The following AK7 variants were observed in gnomAD, a reference collection of about 807,000 sequenced individuals.
AK7 encodes the protein ATP-AMP transphosphorylase 7.
AK7 carries 78 observed loss-of-function variants against 96.6 expected under a neutral mutation model. The ratio of observed to expected loss-of-function variants is 0.81; its 90% CI spans 0.67 to 0.97. The LOEUF (loss-of-function observed/expected upper bound fraction) is 0.97. Ranked by LOEUF, AK7 falls within the 50% of genes least tolerant of loss-of-function variation. The probability of loss-of-function intolerance (pLI) is 0.00; values close to 1 mark genes in which losing one functional copy is unlikely to be tolerated. For missense variants in AK7, 855 were observed against 887.9 expected, an observed-to-expected ratio of 0.96 and a Z score of 0.47; for synonymous variants, 302 against 317.2, an observed-to-expected ratio of 0.95 and a Z score of 0.51.
In AK7 at chr14:96,392,197, A is replaced by G. The variant is rs774547959; in HGVS notation, c.43A>G (p.Ile15Val). ...AACTGCTGCTCTCACGGAGAAGGTTATCCGGACCCAGAGGGTGTTTATAAA... is the reference window on the plus strand; with the variant it reads ...AACTGCTGCTCTCACGGAGAAGGTTGTCCGGACCCAGAGGGTGTTTATAAA... ...EETAALTEKV[I>V]RTQRVFINLL... The change falls in exon 1 of 18, where the codon ATC becomes GTC. Residue 15 changes from isoleucine (I) to valine (V), a missense_variant. Physicochemically the swap from Ile to Val is conservative, Grantham distance 29. Transcript: ENST00000267584. The G allele has an allele frequency of 1.9e-6, 3 of 1,613,652 alleles. No individual in the cohort carries two copies. Among genetic ancestry groups the G allele is most frequent in the Non-Finnish European group, 2.5e-6 (3 of 1,179,696 alleles).
chr14:96,474,177 T>C (rs1378485292), intron 14 of AK7, among the ~76,000 whole-genome samples: 1 of 152,190 alleles, frequency 6.6e-6, no homozygotes, highest in Non-Finnish European at 1.5e-5. Flanking sequence ...GCCTGCCTGC[T>C]CACTGGTATC....
intron 11 of AK7, 50 bp from the exon 12 acceptor site, chr14:96,458,033 G>A (rs567008520): frequency 1.3e-6 from 2 of 1,597,624 alleles, no homozygotes; most frequent in African/African-American, 2.7e-5. Flanking sequence ...TTTGTGAATA[G>A]CAAATGGATG....
intron 10 of AK7, among the ~76,000 whole-genome samples, chr14:96,453,663 C>T (rs1174721065): frequency 6.6e-6 from 1 of 152,190 alleles, no homozygotes; most frequent in Non-Finnish European, 1.5e-5. Context: ...TAAGACTTGG[C>T]TCCCAGTGTC....
chr14:96,460,917 A>G (rs1285064347), intron 12 of AK7, among the ~76,000 whole-genome samples: 2 of 151,968 alleles, frequency 1.3e-5, no homozygotes, highest in Middle Eastern at 3.2e-3. Flanking sequence ...CCTCCCCTCC[A>G]CCAGATCAAC....
chr14:96,468,186 C>G (rs1328318790), intron 12 of AK7, among the ~76,000 whole-genome samples: 4 of 143,274 alleles, frequency 2.8e-5, no homozygotes, highest in Non-Finnish European at 6.0e-5. Flanking sequence ...ACACTGCACT[C>G]TAGCCTGAGT....
At position 96,471,604 on chromosome 14, in the gene AK7, A is replaced by G. The variant is rs761505656; in HGVS notation, c.1484A>G (p.Asn495Ser). 16 of 1,548,406 alleles carry G rather than the reference A, an allele frequency of 1.0e-5. No homozygotes were observed. The highest frequency in any genetic ancestry group is 4.1e-5 in the Admixed American group (2 of 48,680). Residue 495 changes from asparagine to serine, a missense_variant and splice_region_variant, in exon 13 of 18, where the codon AAT becomes AGT. Coordinates refer to ENST00000267584, the MANE Select transcript of AK7 (RefSeq NM_152327.5). ...KTYDQAKDLF[N>S]QEDEEEEDDV... Reference sequence around the variant, plus strand: ...TATGATCAAGCAAAAGACCTGTTCAATCGTAAGTTTGAGTGTTCTATTTTG... The same window carrying G: ...TATGATCAAGCAAAAGACCTGTTCAGTCGTAAGTTTGAGTGTTCTATTTTG...
chr14:96,437,821 ATT>A lies in AK7; in HGVS notation c.610-11_610-10del. On this transcript the variant is annotated splice_polypyrimidine_tract_variant and intron_variant, in intron 5 of 17. Transcript: ENST00000267584. ...ATTACATCCAGCTTTTTTTTTCTGT[ATT>A]TTATCTAATAGGCCAGAAAATTTGC... 1 of 1,586,860 alleles carries A rather than the reference ATT, an allele frequency of 6.3e-7. No homozygotes were observed. Among genetic ancestry groups the A allele is most frequent in the Non-Finnish European group, 8.6e-7 (1 of 1,166,662 alleles).
intron 4 of AK7, among the ~76,000 whole-genome samples, chr14:96,411,112 A>G (rs1409044403): frequency 6.6e-6 from 1 of 152,200 alleles, no homozygotes; most frequent in Non-Finnish European, 1.5e-5. Context: ...AGGATACAGA[A>G]CACTTTCATC....
chr14:96,474,446 T>TAAAA (rs1170896129), intron 14 of AK7, among the ~76,000 whole-genome samples: 1 of 101,468 alleles, frequency 9.9e-6, no homozygotes, highest in South Asian at 3.2e-4. Context: ...TCATATCTAC[T>TAAAA]AAAAAAAAAA....
chr14:96,454,501 A>T (rs1385134055), intron 10 of AK7, among the ~76,000 whole-genome samples: 1 of 151,648 alleles, frequency 6.6e-6, no homozygotes, highest in Non-Finnish European at 1.5e-5. Flanking sequence ...AAATTGAGAC[A>T]GGGTGTTGCT....
intron 5 of AK7, among the ~76,000 whole-genome samples, chr14:96,433,728 G>A (rs766997058): frequency 2.0e-5 from 3 of 152,162 alleles, no homozygotes; most frequent in Non-Finnish European, 4.4e-5. Flanking sequence ...GCAAGGAGCT[G>A]CGATCCTTTG....
Position 96,399,742 on chromosome 14 carries a change from C to G in AK7, c.294+1479C>G, listed in dbSNP as rs1161051154. ...TCCCTTCTTGTGCCTCGGCTCTGCA[C>G]TGACTAAGCGCCCAAGTCCTCCTTC... is the stretch of plus-strand genomic sequence containing the variant. On this transcript the variant is annotated intron_variant, in intron 2 of 17. Transcript: ENST00000267584. The surrounding 1 kb of genome is among the most constrained non-coding windows in gnomAD (Gnocchi z 4.1). Among the ~76,000 whole-genome samples the G allele has an allele frequency of 6.6e-6, 1 of 152,196 alleles. No homozygotes were observed. Among genetic ancestry groups the G allele is most frequent in the East Asian group, 1.9e-4 (1 of 5,190 alleles).
At chr14:96,428,218 G>C (rs1892142291) in intron 5 of AK7, among the ~76,000 whole-genome samples, 1 of 151,038 alleles carries the variant, frequency 6.6e-6, no homozygotes, top group Non-Finnish European at 1.5e-5. Context: ...GTGGTGTTTG[G>C]TTTTCTGTCC....
chr14:96,445,834 T>A (rs1893203246), intron 7 of AK7, among the ~76,000 whole-genome samples: 1 of 152,302 alleles, frequency 6.6e-6, no homozygotes, highest in Non-Finnish European at 1.5e-5. Context: ...TCACTGTTGT[T>A]TCTCTCTGGA....
chr14:96,437,752 T>C, intron 5 of AK7, 83 bp from the exon 6 acceptor site: 2 of 1,002,356 alleles, frequency 2.0e-6, no homozygotes, highest in South Asian at 3.1e-5. Flanking sequence ...CTGAAAGTGC[T>C]CATTTTAACT....
At chr14:96,428,858 T>C (rs549142601) in intron 5 of AK7, among the ~76,000 whole-genome samples, 4 of 152,376 alleles carry the variant, frequency 2.6e-5, no homozygotes, top group Admixed American at 2.0e-4. Context: ...AGATTCTGGA[T>C]ATTAGCCCTT....
rs1895913496 is a variant in AK7, at chr14:96,488,802, A to C, written c.*459A>C. On this transcript the variant is annotated 3_prime_UTR_variant, in exon 18 of 18. Coordinates refer to ENST00000267584, the MANE Select transcript of AK7 (RefSeq NM_152327.5). ...CCTGTTGACTCACAGTAAATCAGAC[A>C]AGATTGGTGCCTGTAAGGTGGCTTT... The C allele has an allele frequency of 6.7e-6, 1 of 150,148 alleles. No individual in the cohort carries two copies. Among genetic ancestry groups the C allele is most frequent in the Non-Finnish European group, 1.5e-5 (1 of 67,920 alleles). 9.3% of individuals were successfully genotyped at this position (150,148 alleles called of 1,614,324 possible). A position where few individuals can be genotyped will look rare whatever the true frequency, so the allele number is the denominator to read the frequency against.
At chr14:96,396,558 A>G (rs1361638446) in intron 1 of AK7, among the ~76,000 whole-genome samples, 1 of 152,264 alleles carries the variant, frequency 6.6e-6, no homozygotes, top group Non-Finnish European at 1.5e-5. Flanking sequence ...GCAATCTTGC[A>G]TGCTAACCTG....
chr14:96,447,446 C>G (rs1349452228), intron 8 of AK7, among the ~76,000 whole-genome samples: 1 of 151,940 alleles, frequency 6.6e-6, no homozygotes, highest in African/African-American at 2.4e-5. Flanking sequence ...TTCCAAGTAG[C>G]TGGGAACACA....
Sources: allele counts gnomAD v4.1 joint callset (sites outside exome capture counted in the v4.1 genomes callset), GRCh38; gene constraint gnomAD v4.1.1; non-coding constraint Gnocchi (gnomAD v3.1); transcripts MANE v1.5; gene names NCBI Gene and HGNC (gene_info 2026-07-23, HGNC 2026-07-21).